Variants in RPRD1A observed in about 807,000 individuals in gnomAD.
RPRD1A encodes regulation of nuclear pre-mRNA domain-containing protein 1A.
In RPRD1A, 9 loss-of-function variants were observed where a neutral mutation model predicts 37.8. The observed-to-expected ratio is 0.24, with a 90% CI of 0.14 to 0.42. RPRD1A has a LOEUF of 0.42. Among genes scored for constraint, RPRD1A ranks in the 10% least tolerant of loss-of-function variants. The probability of loss-of-function intolerance (pLI) is 1.00; values close to 1 mark genes in which losing one functional copy is unlikely to be tolerated. For missense variants in RPRD1A, 255 were observed against 371.0 expected, an observed-to-expected ratio of 0.69 and a Z score of 2.57; for synonymous variants, 138 against 139.7, an observed-to-expected ratio of 0.99 and a Z score of 0.08.
chr18:36,058,579 G>A (rs1024318444), intron 1 of RPRD1A, among the ~76,000 whole-genome samples: 4 of 152,002 alleles, frequency 2.6e-5, no homozygotes, highest in African/African-American at 7.3e-5. Context: ...ATTACGTTAC[G>A]GGCCAAAGGG....
At chr18:36,066,824 T>TA (rs1274145220) in intron 1 of RPRD1A, among the ~76,000 whole-genome samples, 7 of 152,208 alleles carry the variant, frequency 4.6e-5, no homozygotes, top group Non-Finnish European at 1.0e-4. Flanking sequence ...ATTCCTCTAT[T>TA]AATTTCACAA....
chr18:36,040,834 A>T, intron 1 of RPRD1A: 2 of 1,524,846 alleles, frequency 1.3e-6, no homozygotes, highest in East Asian at 2.5e-5. Context: ...CAAAATCTCC[A>T]ATTGGAATTT....
rs1908633875 is a variant in RPRD1A at position 35,990,021 on chromosome 18, CA to C, written c.*3129del. ...TGTATAAATAATTCATTAAGTAACA[CA>C]ATGTTTCCTTTCTATACAGAGAAGA... On this transcript the variant is annotated 3_prime_UTR_variant, in exon 7 of 7. Coordinates refer to ENST00000399022, the MANE Select transcript of RPRD1A (RefSeq NM_018170.5). 6.6e-6 allele frequency: 1 copy of C among 152,166 alleles called. No individual in the cohort carries two copies. Among genetic ancestry groups the C allele is most frequent in the Non-Finnish European group, 1.5e-5 (1 of 68,048 alleles). 9.4% of individuals were successfully genotyped at this position (152,166 alleles called of 1,614,324 possible).
intron 1 of RPRD1A, among the ~76,000 whole-genome samples, chr18:36,055,045 C>T (rs1290523231): frequency 2.0e-5 from 3 of 152,186 alleles, no homozygotes; most frequent in Non-Finnish European, 4.4e-5. Context: ...CACCTCCACA[C>T]ACATATCCAG....
At chr18:36,043,272 T>C (rs1282938625) in intron 1 of RPRD1A, among the ~76,000 whole-genome samples, 13 of 135,776 alleles carry the variant, frequency 9.6e-5, no homozygotes, top group Non-Finnish European at 3.2e-5. Context: ...ATATATTACA[T>C]GATTAATCTG....
At chr18:36,008,804 A>C (rs1286256809) in intron 6 of RPRD1A, among the ~76,000 whole-genome samples, 3 of 151,710 alleles carry the variant, frequency 2.0e-5, no homozygotes, top group Non-Finnish European at 4.4e-5. Flanking sequence ...CCAAAATCTC[A>C]CAAAATATCT....
At chr18:36,007,543 G>T (rs1318751732) in intron 6 of RPRD1A, among the ~76,000 whole-genome samples, 1 of 152,152 alleles carries the variant, frequency 6.6e-6, no homozygotes, top group African/African-American at 2.4e-5. Flanking sequence ...AAAAGCAAAA[G>T]AATATAACTG....
chr18:36,011,064 C>T (rs1408994944), intron 6 of RPRD1A, among the ~76,000 whole-genome samples: 4 of 152,176 alleles, frequency 2.6e-5, no homozygotes, highest in Admixed American at 1.3e-4. Context: ...ACTGGTTAAA[C>T]GCTAGAGATA....
At chr18:36,037,288 G>A (rs543313378) in intron 1 of RPRD1A, among the ~76,000 whole-genome samples, 4 of 152,172 alleles carry the variant, frequency 2.6e-5, no homozygotes, top group African/African-American at 7.2e-5. Flanking sequence ...CTGATCATGG[G>A]GGCAGCTACC....
intron 4 of RPRD1A, among the ~76,000 whole-genome samples, chr18:36,029,852 A>C (rs923783208): frequency 2.0e-5 from 3 of 151,252 alleles, no homozygotes; most frequent in South Asian, 2.1e-4. Flanking sequence ...GTCACCCAGG[A>C]TGGAGTGCAG....
intron 6 of RPRD1A, among the ~76,000 whole-genome samples, chr18:36,018,731 T>A (rs978734119): frequency 6.6e-6 from 1 of 151,912 alleles, no homozygotes; most frequent in African/African-American, 2.4e-5. Context: ...CAGGTGCACA[T>A]GAAAACTAAG....
In RPRD1A at chr18:36,067,488, C is replaced by T. The variant is rs1481804768; in HGVS notation, c.-84G>A. ...GCCGCCCTAGCTGCGGCCTCGCCCC[C>T]TCACCCCACCCTTCCCCACGCTCTC... On this transcript the variant is annotated 5_prime_UTR_variant, in exon 1 of 7. Transcript: ENST00000399022. 2 of 1,395,950 alleles carry T rather than the reference C, an allele frequency of 1.4e-6. No individual in the cohort carries two copies. The highest frequency in any genetic ancestry group is 1.9e-6 in the Non-Finnish European group (2 of 1,026,468). 86.5% of individuals were successfully genotyped at this position (1,395,950 alleles called of 1,614,324 possible).
At chr18:36,056,405 A>G (rs1479650057) in intron 1 of RPRD1A, among the ~76,000 whole-genome samples, 1 of 151,888 alleles carries the variant, frequency 6.6e-6, no homozygotes, top group Non-Finnish European at 1.5e-5. Flanking sequence ...CTCCTGCCTC[A>G]GCCTCCCAAG....
chr18:36,030,709 T>A (rs1911716338), intron 4 of RPRD1A, 99 bp downstream of exon 4: 1 of 699,052 alleles, frequency 1.4e-6, no homozygotes, highest in Non-Finnish European at 2.5e-6. Flanking sequence ...CCTAAAAGTA[T>A]AATAGAAATC....
Position 35,990,938 on chromosome 18 carries a change from G to A in RPRD1A, c.*2213C>T, listed in dbSNP as rs911124497. 5 of 152,146 alleles carry A rather than the reference G, an allele frequency of 3.3e-5. No individual in the cohort carries two copies. Among genetic ancestry groups the A allele is most frequent in the South Asian group, 2.1e-4 (1 of 4,828 alleles). The allele number at this position is 152,146 out of a possible 1,614,324, so 9.4% of individuals were successfully genotyped here. A position where few individuals can be genotyped will look rare whatever the true frequency, so the allele number is the denominator to read the frequency against. Reference sequence around the variant, plus strand: ...AACTGAAGTTTGTGGAGGATTGGTCGAGGGGTGGGATTCAGGTTTTTGAGT... The same window carrying A: ...AACTGAAGTTTGTGGAGGATTGGTCAAGGGGTGGGATTCAGGTTTTTGAGT... On this transcript the variant is annotated 3_prime_UTR_variant, in exon 7 of 7. Coordinates refer to ENST00000399022, the MANE Select transcript of RPRD1A (RefSeq NM_018170.5).
chr18:35,998,164 G>A (rs973707360), intron 6 of RPRD1A, among the ~76,000 whole-genome samples: 3 of 152,124 alleles, frequency 2.0e-5, no homozygotes, highest in Admixed American at 6.5e-5. Flanking sequence ...TTCAAGACCA[G>A]CCTGGCCAAC....
At chr18:36,056,888 G>C (rs1171803640) in intron 1 of RPRD1A, among the ~76,000 whole-genome samples, 3 of 151,504 alleles carry the variant, frequency 2.0e-5, no homozygotes, top group African/African-American at 7.3e-5. Flanking sequence ...TCTTTTTTCT[G>C]TATAATCCTC....
In RPRD1A at chr18:36,067,243, G is replaced by A. The variant is rs1448002613; in HGVS notation, c.151+11C>T. On this transcript the variant is annotated intron_variant, in intron 1 of 6. Transcript: ENST00000399022. ...GTGGTGGGAAGCGGCCGACATAAGCGGTTGACTCACCTTTCCGCAGCTCCC... is the reference window on the plus strand; with the variant it reads ...GTGGTGGGAAGCGGCCGACATAAGCAGTTGACTCACCTTTCCGCAGCTCCC... The A allele has an allele frequency of 1.9e-6, 3 of 1,573,844 alleles. No individual in the cohort carries two copies. Among genetic ancestry groups the A allele is most frequent in the South Asian group, 1.2e-5 (1 of 86,192 alleles).
rs1007074690 is a variant in RPRD1A at position 35,992,538 on chromosome 18, C to A, written c.*613G>T. The A allele has an allele frequency of 3.3e-5, 5 of 152,124 alleles. No homozygotes were observed. The highest frequency in any genetic ancestry group is 9.7e-5 in the African/African-American group (4 of 41,412). The allele number at this position is 152,124 out of a possible 1,614,324, so 9.4% of individuals were successfully genotyped here. ...ACTGGCAGTTGGAATGGAACTTTTA[C>A]AATGCTATTAAGGAACAGTTCTCTA... On this transcript the variant is annotated 3_prime_UTR_variant, in exon 7 of 7. Coordinates refer to ENST00000399022, the MANE Select transcript of RPRD1A (RefSeq NM_018170.5).
Sources: allele counts gnomAD v4.1 joint callset (sites outside exome capture counted in the v4.1 genomes callset), GRCh38; gene constraint gnomAD v4.1.1; transcripts MANE v1.5; gene names NCBI Gene and HGNC (gene_info 2026-07-23, HGNC 2026-07-21).